The following ADGRE1 variants were observed in gnomAD, a reference collection of about 807,000 sequenced individuals.
ADGRE1 encodes the protein EGF-like module receptor 1.
ADGRE1 carries 82 observed loss-of-function variants against 102.7 expected under a neutral mutation model. The observed-to-expected ratio is 0.80, with a 90% confidence interval of 0.67 to 0.96. The LOEUF (loss-of-function observed/expected upper bound fraction) is 0.96, where lower values mean the gene tolerates loss of function less well. Ranked by LOEUF, ADGRE1 falls within the 40% of genes least tolerant of loss-of-function variation. ADGRE1 has a pLI of 0.00. For missense variants in ADGRE1, 1,032 were observed against 1,085.3 expected (o/e 0.95, Z 0.69); for synonymous variants, 398 against 399.6 (o/e 1.00, Z 0.05).
At chr19:6,937,522 G>A in intron 19 of ADGRE1, 22 bp from the exon 20 acceptor site, 1 of 1,612,946 alleles carries the variant, frequency 6.2e-7, no homozygotes, top group Non-Finnish European at 8.5e-7. Context: ...CCTGCATCTG[G>A]ATGATGTGTC....
intron 2 of ADGRE1, chr19:6,895,093 C>G (rs1204434609): frequency 6.6e-6 from 1 of 152,048 alleles, no homozygotes; most frequent in African/African-American, 2.4e-5. Context: ...GGAGGTCATT[C>G]CATCTCCCAG....
At chr19:6,905,536 A>G (rs967081594) in intron 8 of ADGRE1, among the ~76,000 whole-genome samples, 2 of 151,872 alleles carry the variant, frequency 1.3e-5, no homozygotes, top group East Asian at 3.9e-4. Flanking sequence ...TATTTTTAGT[A>G]GAGATGGGGT....
chr19:6,919,462 GTGT>G, intron 12 of ADGRE1, 83 bp from the exon 13 acceptor site: 1 of 732,984 alleles, frequency 1.4e-6, no homozygotes, highest in Non-Finnish European at 2.3e-6. Context: ...GTGTGTGTGT[GTGT>G]GTGTGTGTGT....
intron 6 of ADGRE1, among the ~76,000 whole-genome samples, chr19:6,903,042 A>G (rs1461470523): frequency 1.3e-5 from 2 of 152,256 alleles, no homozygotes; most frequent in Non-Finnish European, 2.9e-5. Context: ...CAGTTCTGTA[A>G]GTGTTACAGC....
rs116369539 is a variant in ADGRE1, at chr19:6,930,490, G to A, written c.2289+2279G>A. On this transcript the variant is annotated intron_variant, in intron 17 of 20. Transcript: ENST00000312053. ...ACAAAGTAAGTGTATATATTTATGG[G>A]GTATATGAAATATTTTCATACAGGC... Among the ~76,000 whole-genome samples the A allele has an allele frequency of 7.3e-3, 1,115 of 151,876 alleles. 16 individuals are homozygous for A. The highest frequency in any genetic ancestry group is 0.026 in the African/African-American group (1,056 of 41,394).
rs763513042 is a variant in ADGRE1 at position 6,903,899 on chromosome 19, G to A, written c.751G>A (p.Ala251Thr). The A allele has an allele frequency of 5.0e-6, 8 of 1,614,172 alleles. No homozygotes were observed. The highest frequency in any genetic ancestry group is 6.8e-6 in the Non-Finnish European group (8 of 1,180,032). Residue 251 changes from alanine (A) to threonine (T), a missense_variant, in exon 7 of 21, where the codon GCA (alanine) becomes ACA (threonine). Physicochemically the swap from Ala to Thr is moderately conservative, Grantham distance 58. Coordinates refer to ENST00000312053, the MANE Select transcript of ADGRE1 (RefSeq NM_001974.5). ...SYFCTCHPGFAPSNGQLNFTD... is the reference protein window; with the variant it reads ...SYFCTCHPGFTPSNGQLNFTD... ...CTTTTGCACCTGCCACCCTGGCTTT[G>A]CACCAAGCAATGGACAGTTGAATTT...
In ADGRE1 at chr19:6,897,309, T is replaced by C; in HGVS notation, c.394+5T>C. 6.2e-7 allele frequency: 1 copy of C among 1,613,956 alleles called. No homozygotes were observed. The highest frequency in any genetic ancestry group is 2.2e-5 in the East Asian group (1 of 44,848). On this transcript the variant is annotated splice_donor_5th_base_variant and intron_variant, in intron 4 of 20. Coordinates refer to ENST00000312053, the MANE Select transcript of ADGRE1 (RefSeq NM_001974.5). ...CGGGCAATTTCTCCTGTACTGGTAATGCTCTCAGGTTCCCAGGGATGGGTC... is the reference window on the plus strand; with the variant it reads ...CGGGCAATTTCTCCTGTACTGGTAACGCTCTCAGGTTCCCAGGGATGGGTC...
chr19:6,910,570 C>CTTTTTTTTTTTTTTT (rs11303491), intron 10 of ADGRE1, among the ~76,000 whole-genome samples: 1 of 112,682 alleles, frequency 8.9e-6, no homozygotes, highest in Non-Finnish European at 1.7e-5. Flanking sequence ...TGTTCCAACT[C>CTTTTTTTTTTTTTTT]TTTTTTTTTT....
At position 6,890,545 on chromosome 19, in the gene ADGRE1, T is replaced by G. The variant is rs1973329764; in HGVS notation, c.94+2T>G. 1 of 1,606,986 alleles carries G rather than the reference T, an allele frequency of 6.2e-7. No homozygotes were observed. The highest frequency in any genetic ancestry group is 1.7e-5 in the Admixed American group (1 of 58,602). On this transcript the variant is annotated splice_donor_variant, in intron 2 of 20. Coordinates refer to ENST00000312053, the MANE Select transcript of ADGRE1 (RefSeq NM_001974.5). LOFTEE classifies it high-confidence loss of function. ...CCACACGGAAACCAAACACAAAGGGTAAGTTGGCCAGAGAGAATGCAGATG... is the reference window on the plus strand; with the variant it reads ...CCACACGGAAACCAAACACAAAGGGGAAGTTGGCCAGAGAGAATGCAGATG...
chr19:6,906,447 T>C lies in ADGRE1; in HGVS notation c.964T>C (p.Cys322Arg), dbSNP rs1369532152. The change falls in exon 9 of 21, where the codon TGT (cysteine) becomes CGT (arginine). Residue 322 changes from cysteine (C) to arginine (R), a missense_variant. By Grantham distance (180) the Cys-to-Arg change is radical. Transcript: ENST00000312053. ...NFSCQRVLFK[C>R]KEDVIPDNKQ... Reference sequence around the variant, plus strand: ...TTTCTTCCTAGGGGTTCTCTTCAAATGTAAGGAAGATGTGATACCCGATAA... The same window carrying C: ...TTTCTTCCTAGGGGTTCTCTTCAAACGTAAGGAAGATGTGATACCCGATAA... 1 of 1,613,416 alleles carries C rather than the reference T, an allele frequency of 6.2e-7. No homozygotes were observed. Among genetic ancestry groups the C allele is most frequent in the East Asian group, 2.2e-5 (1 of 44,880 alleles).
chr19:6,904,270 C>T (rs766238634), intron 8 of ADGRE1, 88 bp downstream of exon 8: 8 of 1,507,496 alleles, frequency 5.3e-6, no homozygotes, highest in Non-Finnish European at 7.2e-6. Flanking sequence ...CGGGATCTTC[C>T]TCTTAGTGTT....
At position 6,940,193 on chromosome 19, in the gene ADGRE1, G is replaced by A; in HGVS notation, c.*164G>A. ...TGTTGGGGGCGGTCTTCCTGTGGTT[G>A]TATGCACTGATGAGAAATCAGGCGT... On this transcript the variant is annotated 3_prime_UTR_variant, in exon 21 of 21. Coordinates refer to ENST00000312053, the MANE Select transcript of ADGRE1 (RefSeq NM_001974.5). 1 of 749,670 alleles carries A rather than the reference G, an allele frequency of 1.3e-6. No homozygotes were observed. Among genetic ancestry groups the A allele is most frequent in the Non-Finnish European group, 2.2e-6 (1 of 455,226 alleles). 46.4% of individuals were successfully genotyped at this position (749,670 alleles called of 1,614,324 possible).
chr19:6,908,430 G>A (rs1599731310), intron 9 of ADGRE1, among the ~76,000 whole-genome samples: 2 of 152,138 alleles, frequency 1.3e-5, no homozygotes, highest in Admixed American at 6.6e-5. Context: ...GGGTGTCCCC[G>A]ATTGAGCTGG....
At position 6,926,594 on chromosome 19, in the gene ADGRE1, C is replaced by A. The variant is rs1023646403; in HGVS notation, c.2215C>A (p.His739Asn). The A allele has an allele frequency of 6.2e-6, 10 of 1,614,070 alleles. No homozygotes were observed. The highest frequency in any genetic ancestry group is 1.3e-5 in the African/African-American group (1 of 74,932). Residue 739 changes from histidine (H) to asparagine (N), a missense_variant, in exon 16 of 21, where the codon CAT becomes AAT. His to Asn is a moderately conservative substitution (Grantham distance 68). Coordinates refer to ENST00000312053, the MANE Select transcript of ADGRE1 (RefSeq NM_001974.5). Reference sequence around the variant, plus strand: ...TGTGCAGCCACAGGGCTATGGAATGCATAATCGGTGAGTGACATCCTCTCT... The same window carrying A: ...TGTGCAGCCACAGGGCTATGGAATGAATAATCGGTGAGTGACATCCTCTCT... ...ASVQPQGYGM[H>N]NRCWLNTETG...
chr19:6,896,159 G>A, intron 2 of ADGRE1: 2 of 440,148 alleles, frequency 4.5e-6, no homozygotes, highest in Non-Finnish European at 4.1e-6. Context: ...AAGGACACCT[G>A]TGGCCCACCC....
In ADGRE1 at chr19:6,921,317, G is replaced by C. The variant is rs138697478; in HGVS notation, c.1621-396G>C. ...GGCACCTGTAATCCCAGCTACTTGG[G>C]AGGCTGAGGCAGAAGAATCGCTTGA... is the stretch of plus-strand genomic sequence containing the variant. On this transcript the variant is annotated intron_variant, in intron 13 of 20. Transcript: ENST00000312053. Among the ~76,000 whole-genome samples, 683 of 152,252 alleles carry C rather than the reference G, an allele frequency of 4.5e-3. 5 individuals carry two copies. Among genetic ancestry groups the C allele is most frequent in the Admixed American group, 0.011 (165 of 15,282 alleles).
chr19:6,904,025 G>T lies in ADGRE1; in HGVS notation c.803-11G>T. The T allele has an allele frequency of 6.2e-7, 1 of 1,614,162 alleles. No homozygotes were observed. The highest frequency in any genetic ancestry group is 8.5e-7 in the Non-Finnish European group (1 of 1,180,028). ...CTTCTGGGTTTCTTGATATTCTCCA[G>T]TTCTTTGCAGATATTGATGAGTGCC... On this transcript the variant is annotated splice_polypyrimidine_tract_variant and intron_variant, in intron 7 of 20. Transcript: ENST00000312053.
At chr19:6,936,564 G>C (rs1477157141) in intron 18 of ADGRE1, among the ~76,000 whole-genome samples, 1 of 146,602 alleles carries the variant, frequency 6.8e-6, no homozygotes, top group African/African-American at 2.5e-5. Context: ...CGTGTAACTC[G>C]GTGGCTTTTC....
chr19:6,915,594 G>T (rs1391084029), intron 11 of ADGRE1, among the ~76,000 whole-genome samples: 1 of 152,020 alleles, frequency 6.6e-6, no homozygotes, highest in Non-Finnish European at 1.5e-5. Flanking sequence ...TGCTAGGCTT[G>T]CCCCAATCCC....
Sources: allele counts gnomAD v4.1 joint callset (sites outside exome capture counted in the v4.1 genomes callset), GRCh38; gene constraint gnomAD v4.1.1; transcripts MANE v1.5; gene names NCBI Gene and HGNC (gene_info 2026-07-23, HGNC 2026-07-21).